PACRG: variants seen among roughly 807,000 people sequenced by gnomAD.
PACRG encodes the protein parkin coregulated, also known as parkin coregulated gene protein.
PACRG carries 29 observed loss-of-function variants against 29.7 expected under a neutral mutation model. That is an observed-to-expected ratio of 0.98 (90% CI 0.73 to 1.33). PACRG has a LOEUF of 1.33. Ranked by LOEUF, PACRG falls within the 40% of genes most tolerant of loss-of-function variation. PACRG has a pLI of 0.00. For synonymous variants in PACRG, 116 were observed against 118.7 expected (o/e 0.98, Z 0.15); for missense variants, 279 against 316.2 (o/e 0.88, Z 0.89).
chr6:162,822,753 A>G lies in PACRG; in HGVS notation c.291+8472A>G, dbSNP rs1307914482. 2.0e-5 allele frequency among the ~76,000 whole-genome samples: 3 copies of G among 152,218 alleles called. No homozygotes were observed. In the East Asian group the frequency reaches 5.8e-4, roughly 29 times the overall value. Reference sequence around the variant, plus strand: ...ATATAAAATTTCAACTTTCATGTACATAAAACACAATTTAATTGAAATTAG... The same window carrying G: ...ATATAAAATTTCAACTTTCATGTACGTAAAACACAATTTAATTGAAATTAG... On this transcript the variant is annotated intron_variant, in intron 2 of 4. Coordinates refer to ENST00000366888, the MANE Select transcript of PACRG (RefSeq NM_001080379.2).
chr6:163,095,490 A>G, intron 4 of PACRG: 1 of 920,516 alleles, frequency 1.1e-6, no homozygotes, highest in Non-Finnish European at 1.3e-6. Context: ...TGGCTTAAAC[A>G]ACAGAAATGT....
chr6:163,205,672 C>T (rs1310215187), intron 4 of PACRG, among the ~76,000 whole-genome samples: 1 of 152,128 alleles, frequency 6.6e-6, no homozygotes, highest in Non-Finnish European at 1.5e-5. Context: ...ATGACAAAGA[C>T]ACCAAAAGAT....
intron 4 of PACRG, among the ~76,000 whole-genome samples, chr6:163,092,567 G>C (rs1814206630): frequency 6.6e-6 from 1 of 152,216 alleles, no homozygotes. Flanking sequence ...AGATGTGAAT[G>C]GTAGTGTAGA....
At chr6:163,153,275 C>T (rs1778174362) in intron 4 of PACRG, among the ~76,000 whole-genome samples, 1 of 152,180 alleles carries the variant, frequency 6.6e-6, no homozygotes, top group African/African-American at 2.4e-5. Flanking sequence ...GATCAATAAA[C>T]TCTACTCTTA....
chr6:162,907,258 C>T (rs1235428277), intron 2 of PACRG, among the ~76,000 whole-genome samples: 1 of 151,944 alleles, frequency 6.6e-6, no homozygotes, highest in East Asian at 1.9e-4. Flanking sequence ...GCTCCCTGTT[C>T]TATAGTTTAA....
In PACRG at chr6:163,061,429, G is replaced by T. The variant is rs1212387891; in HGVS notation, c.292-721G>T. ...CTGCTGGATGCTACTGCCAAGGTCT[G>T]GACAGGGGACATGGAGGGACACTGA... On this transcript the variant is annotated intron_variant, in intron 2 of 4. Transcript: ENST00000366888. Among the ~76,000 whole-genome samples the T allele has an allele frequency of 2.6e-5, 4 of 152,310 alleles. No homozygotes were observed. The East Asian group carries it at 7.7e-4, about 29-fold the overall frequency.
chr6:162,861,462 C>T (rs1310575675), intron 2 of PACRG, among the ~76,000 whole-genome samples: 1 of 152,042 alleles, frequency 6.6e-6, no homozygotes, highest in Non-Finnish European at 1.5e-5. Flanking sequence ...TATATAATGT[C>T]TTGTATATTC....
chr6:163,016,239 G>A, intron 2 of PACRG: 1 of 152,222 alleles, frequency 6.6e-6, no homozygotes, highest in East Asian at 1.9e-4. Flanking sequence ...GACAGTGTGA[G>A]TTGGGTTCTC....
In PACRG at chr6:162,947,583, C is replaced by CATATAT. The variant is rs746673462; in HGVS notation, c.292-114563_292-114558dup. Reference sequence around the variant, plus strand: ...TCATATATATATACTCATATATAATCATATATATAATCATATATATATATA... The same window carrying CATATAT: ...TCATATATATATACTCATATATAATCATATATATATATATAATCATATATATATATA... On this transcript the variant is annotated intron_variant, in intron 2 of 4. Transcript: ENST00000366888. 9.8e-4 allele frequency among the ~76,000 whole-genome samples: 41 copies of CATATAT among 42,042 alleles called. 1 individual carries two copies. Among genetic ancestry groups the CATATAT allele is most frequent in the African/African-American group, 3.4e-3 (35 of 10,352 alleles). The allele number at this position is 42,042 out of a possible 152,430, so 27.6% of individuals were successfully genotyped here.
In PACRG at chr6:163,262,058, T is replaced by C. The variant is rs116998108; in HGVS notation, c.614-52769T>C. On this transcript the variant is annotated intron_variant, in intron 4 of 4. Coordinates refer to ENST00000366888, the MANE Select transcript of PACRG (RefSeq NM_001080379.2). The stretch of plus-strand genomic sequence containing the variant: ...TGTGGGGAAAAGGTGACCACAAATA[T>C]ATAGAAATGTATTCTGTGCATTCTA... 3.9e-4 allele frequency among the ~76,000 whole-genome samples: 60 copies of C among 152,348 alleles called. No homozygotes were observed. The East Asian group carries it at 9.3e-3, about 23-fold the overall frequency.
intron 2 of PACRG, among the ~76,000 whole-genome samples, chr6:163,013,862 GTT>G (rs58154540): frequency 1.9e-4 from 28 of 144,808 alleles, no homozygotes; most frequent in South Asian, 4.4e-4. Context: ...AGTTTTTGAG[GTT>G]TTTTTTTTTT....
intron 4 of PACRG, among the ~76,000 whole-genome samples, chr6:163,311,963 C>G (rs1168700893): frequency 6.6e-6 from 1 of 152,192 alleles, no homozygotes; most frequent in Non-Finnish European, 1.5e-5. Context: ...GTCTCCTGGT[C>G]TATTCAGCTC....
At chr6:163,020,048 C>T (rs756548253) in intron 2 of PACRG, among the ~76,000 whole-genome samples, 4 of 152,132 alleles carry the variant, frequency 2.6e-5, no homozygotes, top group Non-Finnish European at 5.9e-5. Flanking sequence ...CTTAGAAGAT[C>T]CTAATTACAG....
At chr6:162,752,004 C>T (rs1291133298) in intron 1 of PACRG, among the ~76,000 whole-genome samples, 1 of 152,068 alleles carries the variant, frequency 6.6e-6, no homozygotes, top group African/African-American at 2.4e-5. Context: ...CCATTTTATT[C>T]ATACTTACAT....
In PACRG at chr6:162,796,445, A is replaced by C. The variant is rs868667632; in HGVS notation, c.157-17702A>C. On this transcript the variant is annotated intron_variant, in intron 1 of 4. Transcript: ENST00000366888. Reference sequence around the variant, plus strand: ...AGTTTTCTTTGTTCATGTGTATTTGAAAGAGTATGTACACTGTTTATTTTG... The same window carrying C: ...AGTTTTCTTTGTTCATGTGTATTTGCAAGAGTATGTACACTGTTTATTTTG... Among the ~76,000 whole-genome samples, 5 of 152,148 alleles carry C rather than the reference A, an allele frequency of 3.3e-5. No individual in the cohort carries two copies. The Middle Eastern group carries it at 0.014, about 414-fold the overall frequency.
chr6:162,903,372 G>A (rs1446873559), intron 2 of PACRG, among the ~76,000 whole-genome samples: 1 of 152,126 alleles, frequency 6.6e-6, no homozygotes, highest in Non-Finnish European at 1.5e-5. Flanking sequence ...GTATTAGTCT[G>A]TTTTCACGCT....
chr6:163,271,403 G>T (rs991563011), intron 4 of PACRG, among the ~76,000 whole-genome samples: 3 of 135,638 alleles, frequency 2.2e-5, no homozygotes, highest in African/African-American at 8.5e-5. Flanking sequence ...TCACAGGTTT[G>T]AATGAATCTT....
At chr6:163,075,917 C>T (rs1040146755) in intron 3 of PACRG, among the ~76,000 whole-genome samples, 22 of 152,318 alleles carry the variant, frequency 1.4e-4, no homozygotes, top group Admixed American at 5.2e-4. Context: ...ATTGTCATTG[C>T]TTAGGGACCC....
intron 1 of PACRG, among the ~76,000 whole-genome samples, chr6:162,773,173 A>G (rs1376720119): frequency 6.6e-6 from 1 of 152,202 alleles, no homozygotes; most frequent in African/African-American, 2.4e-5. Flanking sequence ...ATGGTGCCAC[A>G]GAAGGTTGAT....
Sources: allele counts gnomAD v4.1 joint callset (sites outside exome capture counted in the v4.1 genomes callset), GRCh38; gene constraint gnomAD v4.1.1; transcripts MANE v1.5; gene names NCBI Gene and HGNC (gene_info 2026-07-23, HGNC 2026-07-21).